RBFOX1: variants seen among roughly 807,000 people sequenced by gnomAD.
RBFOX1 encodes the protein RNA binding protein fox-1 homolog 1.
RBFOX1 carries 8 observed loss-of-function variants against 57.7 expected under a neutral mutation model. The ratio of observed to expected loss-of-function variants is 0.14; its 90% CI spans 0.08 to 0.25. The LOEUF is 0.25. Ranked by LOEUF, RBFOX1 falls within the 10% of genes least tolerant of loss-of-function variation. The pLI, the probability that RBFOX1 is intolerant of heterozygous loss-of-function variation, is 1.00. For synonymous variants in RBFOX1, 326 were observed against 222.4 expected (o/e 1.47, Z -4.15); for missense variants, 611 against 548.5 (o/e 1.11, Z -1.14).
intron 2 of RBFOX1, among the ~76,000 whole-genome samples, chr16:6,582,755 T>C (rs980943381): frequency 6.6e-6 from 1 of 151,230 alleles, no homozygotes; most frequent in African/African-American, 2.4e-5. Flanking sequence ...TTCTCTTCTT[T>C]CCTCCCCTTT....
chr16:6,859,342 A>G (rs117049806), intron 3 of RBFOX1, among the ~76,000 whole-genome samples: 1,770 of 151,538 alleles, frequency 0.012, 20 homozygotes, highest in Non-Finnish European at 0.019. Flanking sequence ...AAGAGTCAAA[A>G]ATTCTATGCA....
At chr16:6,140,849 A>G (rs1567546469) in intron 1 of RBFOX1, among the ~76,000 whole-genome samples, 1 of 152,102 alleles carries the variant, frequency 6.6e-6, no homozygotes. Context: ...TTGGTTTCTT[A>G]TCTCTGGTCA....
intron 3 of RBFOX1, among the ~76,000 whole-genome samples, chr16:6,865,798 T>C (rs1162820701): frequency 6.6e-6 from 1 of 152,188 alleles, no homozygotes; most frequent in Non-Finnish European, 1.5e-5. Context: ...CAGTATTAGA[T>C]AACAGTTGCA....
At chr16:5,812,132 G>A (rs1374342050) in intron 3 of RBFOX1, among the ~76,000 whole-genome samples, 1 of 152,136 alleles carries the variant, frequency 6.6e-6, no homozygotes. Context: ...GGTTCTTTTT[G>A]TTGTGCGGTC....
At chr16:6,664,192 C>G (rs1345857517) in intron 3 of RBFOX1, among the ~76,000 whole-genome samples, 1 of 151,884 alleles carries the variant, frequency 6.6e-6, no homozygotes, top group Non-Finnish European at 1.5e-5. Context: ...ACAAAGAGAT[C>G]TAACACCAGC....
In RBFOX1 at chr16:5,811,533, C is replaced by G. The variant is rs559973097; in HGVS notation, c.319-55770C>G. Among the ~76,000 whole-genome samples, 6 of 151,660 alleles carry G rather than the reference C, an allele frequency of 4.0e-5. No individual in the cohort carries two copies. In the East Asian group the frequency reaches 7.8e-4, roughly 20 times the overall value. On this transcript the variant is annotated intron_variant, in intron 3 of 19. Transcript: ENST00000641259. ...TGGCACAATCTCAGCTCACCGCAAC[C>G]TCTGCCTTCCAGGTTAAAGTGATTT...
At chr16:7,437,569 G>A (rs1281835293) in intron 4 of RBFOX1, among the ~76,000 whole-genome samples, 1 of 152,126 alleles carries the variant, frequency 6.6e-6, no homozygotes, top group Non-Finnish European at 1.5e-5. Flanking sequence ...AAAATTTCAT[G>A]TATTTGCAAT....
At chr16:6,824,927 G>T (rs866308159) in intron 3 of RBFOX1, among the ~76,000 whole-genome samples, 1 of 145,226 alleles carries the variant, frequency 6.9e-6, no homozygotes, top group African/African-American at 2.5e-5. Context: ...GCAACCATTG[G>T]TACATGATTA....
chr16:6,666,808 C>A (rs909218181), intron 3 of RBFOX1, among the ~76,000 whole-genome samples: 2 of 152,124 alleles, frequency 1.3e-5, no homozygotes, highest in Non-Finnish European at 2.9e-5. Flanking sequence ...TGCTAAATGT[C>A]ATCCTGTGAT....
At chr16:6,845,517 G>C (rs1207064294) in intron 3 of RBFOX1, among the ~76,000 whole-genome samples, 1 of 152,192 alleles carries the variant, frequency 6.6e-6, no homozygotes, top group Middle Eastern at 3.4e-3. Flanking sequence ...TCTGAGTTCT[G>C]TGTTCTGTTC....
intron 3 of RBFOX1, among the ~76,000 whole-genome samples, chr16:6,717,704 G>A (rs111958932): frequency 3.3e-5 from 5 of 152,186 alleles, no homozygotes; most frequent in African/African-American, 1.2e-4. Context: ...GAAAGTGCCA[G>A]TCACATTGTT....
At chr16:6,239,487 T>G (rs1334985594) in intron 1 of RBFOX1, among the ~76,000 whole-genome samples, 1 of 12,132 alleles carries the variant, frequency 8.2e-5, no homozygotes, top group Admixed American at 9.7e-4. Context: ...AACTGACTCT[T>G]TTTTTTTTTT....
chr16:5,753,283 G>A (rs1273629000), intron 3 of RBFOX1, among the ~76,000 whole-genome samples: 2 of 151,966 alleles, frequency 1.3e-5, no homozygotes, highest in Non-Finnish European at 2.9e-5. Flanking sequence ...AAAGATTTTA[G>A]TGCCATTACA....
intron 4 of RBFOX1, among the ~76,000 whole-genome samples, chr16:7,303,871 C>T (rs1024189103): frequency 6.7e-6 from 1 of 149,010 alleles, no homozygotes; most frequent in Non-Finnish European, 1.5e-5. Context: ...TCTCGCTATC[C>T]TTGCCCCCCT....
chr16:5,506,642 A>G (rs1320342942), intron 2 of RBFOX1, among the ~76,000 whole-genome samples: 1 of 152,162 alleles, frequency 6.6e-6, no homozygotes, highest in African/African-American at 2.4e-5. Flanking sequence ...GGCTGGCCTG[A>G]TCACAGAGAA....
chr16:7,385,915 G>GTTAC (rs773743516), intron 4 of RBFOX1, among the ~76,000 whole-genome samples: 117 of 89,040 alleles, frequency 1.3e-3, no homozygotes, highest in Non-Finnish European at 2.4e-3. Flanking sequence ...ACCATGCCCA[G>GTTAC]TTACTTATTT....
chr16:5,766,231 G>T (rs1335690368), intron 3 of RBFOX1, among the ~76,000 whole-genome samples: 1 of 152,140 alleles, frequency 6.6e-6, no homozygotes, highest in Non-Finnish European at 1.5e-5. Context: ...AGAAGGAGAA[G>T]GGGCGTCTCA....
At chr16:7,209,358 A>G (rs1439669658) in intron 4 of RBFOX1, among the ~76,000 whole-genome samples, 1 of 151,872 alleles carries the variant, frequency 6.6e-6, no homozygotes, top group African/African-American at 2.4e-5. Context: ...AAATAACAAG[A>G]TCTCCTTTTC....
At chr16:7,254,903 A>G (rs1922596) in intron 4 of RBFOX1, among the ~76,000 whole-genome samples, 15,032 of 152,114 alleles carry the variant, frequency 0.099, 1,321 homozygotes, top group African/African-American at 0.24. Context: ...TGCATTTTGT[A>G]CCATCATTTC....
Sources: gnomAD v4.1 joint callset for allele counts (sites outside exome capture counted in the v4.1 genomes callset) on GRCh38, gnomAD v4.1.1 for gene constraint, MANE v1.5 for transcripts, NCBI Gene and HGNC (gene_info 2026-07-23, HGNC 2026-07-21) for gene names.